Variants in PDE4A observed in about 807,000 individuals in gnomAD.
PDE4A encodes phosphodiesterase 4A.
In PDE4A, 21 loss-of-function variants were observed where a neutral mutation model predicts 73.9. The ratio of observed to expected loss-of-function variants is 0.28; its 90% CI spans 0.20 to 0.41. The LOEUF is 0.41. Ranked by LOEUF, PDE4A falls within the 10% of genes least tolerant of loss-of-function variation. The probability of loss-of-function intolerance (pLI) is 1.00; values close to 1 mark genes in which losing one functional copy is unlikely to be tolerated. For missense variants in PDE4A, 958 were observed against 1,211.4 expected (o/e 0.79, Z 3.10); for synonymous variants, 463 against 505.4 (o/e 0.92, Z 1.13).
At chr19:10,442,453 G>T (rs1281811088) in intron 1 of PDE4A, among the ~76,000 whole-genome samples, 1 of 152,096 alleles carries the variant, frequency 6.6e-6, no homozygotes, top group Non-Finnish European at 1.5e-5. Context: ...GAACCCGGGA[G>T]GCAGAGGTTG....
Position 10,454,846 on chromosome 19 carries a change from C to G in PDE4A, c.801C>G (p.Asn267Lys). 6.2e-7 allele frequency: 1 copy of G among 1,614,110 alleles called. No homozygotes were observed. The highest frequency in any genetic ancestry group is 8.5e-7 in the Non-Finnish European group (1 of 1,179,982). The change falls in exon 7 of 15, where the codon AAC becomes AAG. Residue 267 changes from asparagine to lysine, a missense_variant. By Grantham distance (94) the Asn-to-Lys change is moderately conservative. Coordinates refer to ENST00000380702, the MANE Select transcript of PDE4A (RefSeq NM_001111307.2). ...MASHKFKRML[N>K]RELTHLSEMS... ...TACCTTAGTTCAAAAGGATGTTGAA[C>G]CGTGAGCTCACACACCTGTCAGAAA...
upstream of PDE4A, chr19:10,417,140 T>G (rs560250506): frequency 1.7e-4 from 238 of 1,434,718 alleles, 3 homozygotes; most frequent in South Asian, 3.4e-3. Flanking sequence ...TTTACCCCCT[T>G]GATTCCATTT....
At chr19:10,423,640 AG>A (rs2042679366) in intron 1 of PDE4A, among the ~76,000 whole-genome samples, 1 of 152,072 alleles carries the variant, frequency 6.6e-6, no homozygotes, top group South Asian at 2.1e-4. Flanking sequence ...GGTCACTTTG[AG>A]GGTTCTGTGA....
At chr19:10,430,901 G>A (rs2145468798) in intron 1 of PDE4A, 2 of 1,455,732 alleles carry the variant, frequency 1.4e-6, no homozygotes, top group Admixed American at 2.3e-5. Flanking sequence ...TGGCCTTCCC[G>A]GTGGCGGTGG....
chr19:10,440,883 C>T (rs1365074124), intron 1 of PDE4A, among the ~76,000 whole-genome samples: 3 of 151,846 alleles, frequency 2.0e-5, no homozygotes, highest in South Asian at 2.1e-4. Context: ...CAGGCGTGAG[C>T]CACCACGCCC....
chr19:10,451,598 C>T (rs1225313311), intron 6 of PDE4A, among the ~76,000 whole-genome samples: 1 of 151,974 alleles, frequency 6.6e-6, no homozygotes, highest in Non-Finnish European at 1.5e-5. Context: ...GTGTGTGGGG[C>T]TGTGCCAGAG....
chr19:10,449,440 A>G (rs1296292407), intron 4 of PDE4A, among the ~76,000 whole-genome samples: 1 of 150,224 alleles, frequency 6.7e-6, no homozygotes, highest in Admixed American at 6.6e-5. Flanking sequence ...GCTCACTGCA[A>G]CCTCTGCCTC....
At chr19:10,463,579 T>C (rs55898302) in intron 13 of PDE4A, 50,839 of 356,248 alleles carry the variant, frequency 0.14, 4,023 homozygotes, top group Middle Eastern at 0.21. Context: ...TTTTTTGTAT[T>C]TTTAGTAGAG....
At chr19:10,425,870 C>A (rs1327618876) in intron 1 of PDE4A, among the ~76,000 whole-genome samples, 1 of 151,200 alleles carries the variant, frequency 6.6e-6, no homozygotes, top group Non-Finnish European at 1.5e-5. Flanking sequence ...GCCTGTAATC[C>A]CAGCTACTGG....
chr19:10,460,092 A>T lies in PDE4A; in HGVS notation c.1365+333A>T, dbSNP rs573119151. On this transcript the variant is annotated intron_variant, in intron 10 of 14. Transcript: ENST00000380702. ...TAGAGATGGCGTTTCGCCAAGTTGG[A>T]CAGGCTGGTCTCAAACTCCCAACCT... Among the ~76,000 whole-genome samples the T allele has an allele frequency of 3.0e-3, 455 of 151,980 alleles. 5 individuals carry two copies. Among genetic ancestry groups the T allele is most frequent in the African/African-American group, 0.011 (438 of 41,468 alleles).
chr19:10,439,122 G>A (rs1437698179), intron 1 of PDE4A, among the ~76,000 whole-genome samples: 1 of 152,062 alleles, frequency 6.6e-6, no homozygotes, highest in Non-Finnish European at 1.5e-5. Context: ...AGACCTAGGA[G>A]TGGGATTGCG....
rs545392107 is a variant in PDE4A at position 10,467,322 on chromosome 19, A to G, written c.2362A>G (p.Ser788Gly). The G allele has an allele frequency of 6.2e-7, 1 of 1,614,088 alleles. No individual in the cohort carries two copies. The highest frequency in any genetic ancestry group is 2.2e-5 in the East Asian group (1 of 44,876). Reference sequence around the variant, plus strand: ...GACACAGCAGGCACAGTCCACAGGCAGTGCACCTGTGGCTCCGGATGAGTT... The same window carrying G: ...GACACAGCAGGCACAGTCCACAGGCGGTGCACCTGTGGCTCCGGATGAGTT... The part of the protein sequence containing the change: ...YLTQQAQSTG[S>G]APVAPDEFSS... The change falls in exon 15 of 15, where the codon AGT becomes GGT. Residue 788 changes from serine (S) to glycine (G), a missense_variant. This residue lies in a region of PDE4A where 243 missense variants were observed against 245.9 expected (regional missense o/e 0.99). Transcript: ENST00000380702.
rs2144535547 is a variant in PDE4A, at chr19:10,467,041, A to G, written c.2081A>G (p.Glu694Gly). 6.2e-7 allele frequency: 1 copy of G among 1,614,124 alleles called. No homozygotes were observed. The highest frequency in any genetic ancestry group is 8.5e-7 in the Non-Finnish European group (1 of 1,180,032). ...RQSPSPPPEEESRGPGHPPLP... is the reference protein window; with the variant it reads ...RQSPSPPPEEGSRGPGHPPLP... The stretch of plus-strand genomic sequence containing the variant: ...AGCCCATCTCCGCCACCCGAGGAGG[A>G]GTCAAGGGGGCCAGGCCACCCACCC... The change falls in exon 15 of 15, where the codon GAG (glutamate) becomes GGG (glycine). Residue 694 changes from glutamate (E) to glycine (G), a missense_variant. Physicochemically the swap from Glu to Gly is moderately conservative, Grantham distance 98 (BLOSUM62 -2). This residue lies in a region of PDE4A where 570 missense variants were observed against 827.7 expected (regional missense o/e 0.69). Coordinates refer to ENST00000380702, the MANE Select transcript of PDE4A (RefSeq NM_001111307.2).
At chr19:10,426,749 C>G (rs1346907430) in intron 1 of PDE4A, among the ~76,000 whole-genome samples, 1 of 151,796 alleles carries the variant, frequency 6.6e-6, no homozygotes, top group African/African-American at 2.4e-5. Context: ...CCTGCAATCC[C>G]AGCTACTTGG....
Position 10,457,778 on chromosome 19 carries a change from C to T in PDE4A, c.878-101C>T, listed in dbSNP as rs574491449. The T allele has an allele frequency of 8.0e-5, 122 of 1,532,282 alleles. No individual in the cohort carries two copies. In the East Asian group the frequency reaches 2.6e-3, roughly 33 times the overall value. 94.9% of individuals were successfully genotyped at this position (1,532,282 alleles called of 1,614,324 possible). A position where few individuals can be genotyped will look rare whatever the true frequency, so the allele number is the denominator to read the frequency against. ...CACAGCTGAAAGGGTTCTGCCGTTT[C>T]GGGTGAGCCTTCCCCGTACGTGGTA... On this transcript the variant is annotated intron_variant, in intron 7 of 14. Transcript: ENST00000380702.
rs765741287 is a variant in PDE4A at position 10,458,121 on chromosome 19, G to A, written c.1101+19G>A. The A allele has an allele frequency of 6.2e-7, 1 of 1,612,306 alleles. No homozygotes were observed. Among genetic ancestry groups the A allele is most frequent in the South Asian group, 1.1e-5 (1 of 91,032 alleles). ...GGCCCAAGTGGGTGGGGGCTCAGTA[G>A]GGGCAGGGCTGGAGGGGGTGGTCTC... On this transcript the variant is annotated intron_variant, in intron 8 of 14. Transcript: ENST00000380702. This position sits in a 1 kb window ranked among gnomAD's most constrained non-coding sequence, Gnocchi z 4.6.
upstream of PDE4A, chr19:10,419,056 CTTTTTTTTTT>C (rs977830124): frequency 2.7e-3 from 2,245 of 817,168 alleles, 1 homozygote; most frequent in South Asian, 4.9e-3. Flanking sequence ...GACCGGCAGT[CTTTTTTTTTT>C]TTTTTTTTTT....
rs1344301921 is a variant in PDE4A, at chr19:10,450,930, G to A, written c.772G>A (p.Ala258Thr). Residue 258 changes from alanine (A) to threonine (T), a missense_variant, in exon 6 of 15, where the codon GCC becomes ACC. Coordinates refer to ENST00000380702, the MANE Select transcript of PDE4A (RefSeq NM_001111307.2). ...GACCTATCGCTCTGTCAGCGAGATGGCCTCGCACAAGGTGTGCAGGTGGTG... is the reference window on the plus strand; with the variant it reads ...GACCTATCGCTCTGTCAGCGAGATGACCTCGCACAAGGTGTGCAGGTGGTG... ...MQTYRSVSEM[A>T]SHKFKRMLNR... 1 of 1,600,072 alleles carries A rather than the reference G, an allele frequency of 6.2e-7. No individual in the cohort carries two copies. The highest frequency in any genetic ancestry group is 8.5e-7 in the Non-Finnish European group (1 of 1,173,718).
At chr19:10,455,068 C>T in intron 7 of PDE4A, 146 bp downstream of exon 7, 1 of 726,358 alleles carries the variant, frequency 1.4e-6, no homozygotes, top group Non-Finnish European at 2.3e-6. Flanking sequence ...TATCCAGGAA[C>T]CCTCATGTTC....
Sources: gnomAD v4.1 joint callset for allele counts (sites outside exome capture counted in the v4.1 genomes callset) on GRCh38, gnomAD v4.1.1 for gene constraint, gnomAD v4.1.1 regional missense constraint, Gnocchi (gnomAD v3.1) non-coding constraint, MANE v1.5 for transcripts, NCBI Gene and HGNC (gene_info 2026-07-23, HGNC 2026-07-21) for gene names.